The following NBEA variants were observed in gnomAD, a reference collection of about 807,000 sequenced individuals.
NBEA encodes neurobeachin, also known as lysosomal-trafficking regulator 2.
Under a neutral mutation model 343.4 loss-of-function variants are expected in NBEA, and 44 were observed. That is an observed-to-expected ratio of 0.13 (90% CI 0.10 to 0.16). NBEA has a LOEUF of 0.16. Ranked by LOEUF, NBEA falls within the 10% of genes least tolerant of loss-of-function variation. The pLI is 1.00. For missense variants in NBEA, 2,555 were observed against 3,631.3 expected (o/e 0.70, Z 7.62); for synonymous variants, 1,175 against 1,238.7 (o/e 0.95, Z 1.08).
At position 35,436,090 on chromosome 13, in the gene NBEA, A is replaced by AG. The variant is rs1170781122; in HGVS notation, c.6304+3698dup. Among the ~76,000 whole-genome samples, 13 of 152,280 alleles carry AG rather than the reference A, an allele frequency of 8.5e-5. No homozygotes were observed. The East Asian group carries it at 2.5e-3, about 29-fold the overall frequency. On this transcript the variant is annotated intron_variant, in intron 39 of 58. Coordinates refer to ENST00000379939, the MANE Select transcript of NBEA (RefSeq NM_001385012.1). Reference sequence around the variant, plus strand: ...AAAAAAAAGAATGGACTCAAAAAAAAGAAAACAGATTTCATATTTTTAAAG... The same window carrying AG: ...AAAAAAAAGAATGGACTCAAAAAAAAGGAAAACAGATTTCATATTTTTAAAG...
rs2066930890 is a variant in NBEA, at chr13:35,123,906, A to G, written c.2336+332A>G. ...TTCAAGGAAAGCTTTCTTGACAAGG[A>G]AATACTGTGTATATGCTGAGGTCTT... On this transcript the variant is annotated intron_variant, in intron 17 of 58. Transcript: ENST00000379939. Among the ~76,000 whole-genome samples the G allele has an allele frequency of 2.6e-5, 4 of 152,102 alleles. No individual in the cohort carries two copies. The South Asian group carries it at 8.3e-4, about 31-fold the overall frequency.
At chr13:35,035,585 T>C (rs1171143957) in intron 1 of NBEA, among the ~76,000 whole-genome samples, 3 of 152,030 alleles carry the variant, frequency 2.0e-5, no homozygotes, top group Non-Finnish European at 4.4e-5. Context: ...TTCTGAAAGA[T>C]GTGTCCAGTG....
At chr13:35,610,754 A>G (rs535835140) in intron 48 of NBEA, among the ~76,000 whole-genome samples, 55 of 152,306 alleles carry the variant, frequency 3.6e-4, no homozygotes, top group African/African-American at 1.3e-3. Flanking sequence ...AGAAAATTAA[A>G]AGACAAGCCA....
chr13:35,451,952 GA>G, intron 39 of NBEA, 139 bp from the exon 40 acceptor site: 1 of 662,706 alleles, frequency 1.5e-6, no homozygotes. Flanking sequence ...ACAAGATAAA[GA>G]AGGTTAAAAT....
chr13:35,432,221 C>T (rs1008154124), intron 38 of NBEA, 48 bp from the exon 39 acceptor site: 5 of 1,460,430 alleles, frequency 3.4e-6, no homozygotes, highest in Non-Finnish European at 4.6e-6. Context: ...GTATTTCCAG[C>T]TATGCATTGT....
At chr13:35,600,355 A>G (rs931231217) in intron 47 of NBEA, among the ~76,000 whole-genome samples, 2 of 152,188 alleles carry the variant, frequency 1.3e-5, no homozygotes, top group Non-Finnish European at 2.9e-5. Context: ...CATGCCTCAC[A>G]TAACTCAGAC....
At chr13:35,499,231 A>G (rs1412800246) in intron 41 of NBEA, among the ~76,000 whole-genome samples, 5 of 152,122 alleles carry the variant, frequency 3.3e-5, no homozygotes, top group African/African-American at 9.7e-5. Flanking sequence ...TAAAGTGTCT[A>G]TTCACAAAAA....
At chr13:35,021,739 A>G (rs1230164319) in intron 1 of NBEA, among the ~76,000 whole-genome samples, 1 of 152,142 alleles carries the variant, frequency 6.6e-6, no homozygotes, top group African/African-American at 2.4e-5. Context: ...GAACCTTATA[A>G]AAGTACACAT....
At chr13:35,555,388 G>A (rs1365770482) in intron 44 of NBEA, among the ~76,000 whole-genome samples, 1 of 152,022 alleles carries the variant, frequency 6.6e-6, no homozygotes, top group Non-Finnish European at 1.5e-5. Flanking sequence ...AGAGTGTCTG[G>A]AAATAATAAT....
intron 41 of NBEA, among the ~76,000 whole-genome samples, chr13:35,513,569 T>C (rs1324057212): frequency 6.6e-6 from 1 of 152,074 alleles, no homozygotes; most frequent in Non-Finnish European, 1.5e-5. Context: ...TACACCTGAA[T>C]TCATTTTCTG....
At chr13:35,494,783 A>G (rs1219044617) in intron 41 of NBEA, among the ~76,000 whole-genome samples, 1 of 151,868 alleles carries the variant, frequency 6.6e-6, no homozygotes, top group Non-Finnish European at 1.5e-5. Flanking sequence ...GCTGGGATGG[A>G]TGGATCACTT....
chr13:35,164,668 G>A (rs1396734763), intron 24 of NBEA, 159 bp downstream of exon 24: 3 of 779,302 alleles, frequency 3.8e-6, no homozygotes, highest in South Asian at 3.4e-5. Context: ...TTGTTTATCA[G>A]TGTTGGGTTC....
chr13:35,331,599 TCA>T (rs1362253734), intron 36 of NBEA, among the ~76,000 whole-genome samples: 6 of 152,150 alleles, frequency 3.9e-5, no homozygotes, highest in Admixed American at 3.9e-4. Flanking sequence ...ATGCAAGATC[TCA>T]CAGTCTGAGG....
intron 41 of NBEA, among the ~76,000 whole-genome samples, chr13:35,532,551 T>C (rs1448044937): frequency 6.6e-6 from 1 of 152,218 alleles, no homozygotes; most frequent in East Asian, 1.9e-4. Flanking sequence ...CAAAAAGCTT[T>C]GTTACAGGTA....
intron 41 of NBEA, among the ~76,000 whole-genome samples, chr13:35,546,713 CG>C (rs1442134150): frequency 6.6e-6 from 1 of 151,784 alleles, no homozygotes; most frequent in Non-Finnish European, 1.5e-5. Flanking sequence ...CAACCATGAC[CG>C]GCTAATTTTT....
At chr13:35,126,376 T>C (rs943139944) in intron 17 of NBEA, among the ~76,000 whole-genome samples, 6 of 152,078 alleles carry the variant, frequency 3.9e-5, no homozygotes, top group African/African-American at 1.4e-4. Flanking sequence ...AGCATGAGAA[T>C]GGACTAACAC....
At chr13:35,201,607 A>G (rs543912838) in intron 31 of NBEA, among the ~76,000 whole-genome samples, 2 of 152,024 alleles carry the variant, frequency 1.3e-5, no homozygotes, top group Non-Finnish European at 2.9e-5. Context: ...TCTCTCTTCA[A>G]TTTGTTCCAG....
At chr13:35,611,658 AG>A (rs772637691) in intron 48 of NBEA, among the ~76,000 whole-genome samples, 20 of 152,346 alleles carry the variant, frequency 1.3e-4, no homozygotes, top group Middle Eastern at 6.8e-3. Flanking sequence ...TTCATATAAA[AG>A]GAATTATACA....
chr13:35,015,435 C>T (rs1459028231), intron 1 of NBEA, among the ~76,000 whole-genome samples: 1 of 151,936 alleles, frequency 6.6e-6, no homozygotes, highest in African/African-American at 2.4e-5. Flanking sequence ...TTTGAAACTG[C>T]CTGGCATGGT....
Sources: allele counts gnomAD v4.1 joint callset (sites outside exome capture counted in the v4.1 genomes callset), GRCh38; gene constraint gnomAD v4.1.1; transcripts MANE v1.5; gene names NCBI Gene and HGNC (gene_info 2026-07-23, HGNC 2026-07-21).